The following SNX18 variants were observed in gnomAD, a reference collection of about 807,000 sequenced individuals.
SNX18 encodes the protein sorting nexin 18.
A neutral mutation model predicts 48.7 loss-of-function variants in SNX18; 35 were observed. The observed-to-expected ratio is 0.72, with a 90% CI of 0.55 to 0.95. The LOEUF is 0.95. Among genes scored for constraint, SNX18 ranks in the 40% least tolerant of loss-of-function variants. SNX18 has a pLI of 0.00. For synonymous variants in SNX18, 492 were observed against 384.7 expected (o/e 1.28, Z -3.26); for missense variants, 824 against 871.0 (o/e 0.95, Z 0.68).
intron 1 of SNX18, 177 bp downstream of exon 1, chr5:54,519,750 A>G (rs943913214): frequency 1.2e-6 from 2 of 1,614,178 alleles, no homozygotes; most frequent in African/African-American, 1.3e-5. Flanking sequence ...CTCGACAGGC[A>G]GCTTCCTCCT....
chr5:54,540,373 G>T (rs1762444724), intron 1 of SNX18, among the ~76,000 whole-genome samples: 1 of 151,992 alleles, frequency 6.6e-6, no homozygotes, highest in South Asian at 2.1e-4. Flanking sequence ...GCACTGCCAT[G>T]ACTGGCTAAT....
intron 1 of SNX18, among the ~76,000 whole-genome samples, chr5:54,530,997 C>T (rs1306131830): frequency 6.6e-6 from 1 of 151,984 alleles, no homozygotes; most frequent in Non-Finnish European, 1.5e-5. Flanking sequence ...AGGTGATCTA[C>T]CCGTCTCGGC....
At chr5:54,637,706 T>C in the SNX18 span, among the ~76,000 whole-genome samples, 2 of 152,222 alleles carry the variant, frequency 1.3e-5, no homozygotes, top group Non-Finnish European at 2.9e-5. Flanking sequence ...TTAAAACAGT[T>C]GTGTCAAAAT....
chr5:54,602,532 G>A, the SNX18 span, among the ~76,000 whole-genome samples: 1 of 152,164 alleles, frequency 6.6e-6, no homozygotes, highest in African/African-American at 2.4e-5. Flanking sequence ...CCATAGGAGT[G>A]TGCAGCAACT....
the SNX18 span, among the ~76,000 whole-genome samples, chr5:54,603,578 G>T: frequency 6.6e-6 from 1 of 152,080 alleles, no homozygotes; most frequent in Non-Finnish European, 1.5e-5. Flanking sequence ...TTTTTCAGCT[G>T]TTTTTGCTTC....
At chr5:54,596,482 C>T in the SNX18 span, among the ~76,000 whole-genome samples, 1 of 152,186 alleles carries the variant, frequency 6.6e-6, no homozygotes, top group Non-Finnish European at 1.5e-5. Context: ...TGCATGCCCA[C>T]TTTGGGACAA....
chr5:54,616,295 G>A, the SNX18 span, among the ~76,000 whole-genome samples: 37 of 152,258 alleles, frequency 2.4e-4, 1 homozygote, highest in African/African-American at 8.4e-4. Context: ...TATCTGGCTC[G>A]GGTCAGTTTT....
At chr5:54,625,734 C>CA in the SNX18 span, among the ~76,000 whole-genome samples, 3 of 152,170 alleles carry the variant, frequency 2.0e-5, no homozygotes, top group Admixed American at 6.6e-5. Flanking sequence ...TAGGGGAAAT[C>CA]ATCTGGAATA....
the SNX18 span, among the ~76,000 whole-genome samples, chr5:54,552,965 A>G: frequency 1.3e-5 from 2 of 151,998 alleles, no homozygotes; most frequent in African/African-American, 4.8e-5. Context: ...AAGTATGTGG[A>G]AGACCTTGGG....
the SNX18 span, among the ~76,000 whole-genome samples, chr5:54,569,698 TG>T: frequency 6.6e-6 from 1 of 152,172 alleles, no homozygotes; most frequent in Non-Finnish European, 1.5e-5. Flanking sequence ...TACAACATGG[TG>T]GCCTCAGGAC....
At chr5:54,562,636 A>G in the SNX18 span, among the ~76,000 whole-genome samples, 1 of 152,198 alleles carries the variant, frequency 6.6e-6, no homozygotes, top group East Asian at 1.9e-4. Flanking sequence ...GTGTGAAGGG[A>G]TAACACAACT....
At chr5:54,566,785 G>A in the SNX18 span, among the ~76,000 whole-genome samples, 1 of 152,182 alleles carries the variant, frequency 6.6e-6, no homozygotes, top group African/African-American at 2.4e-5. Flanking sequence ...ATTACCCCAG[G>A]TCCCCCAGCT....
chr5:54,630,558 G>T, the SNX18 span, among the ~76,000 whole-genome samples: 1 of 152,110 alleles, frequency 6.6e-6, no homozygotes, highest in Non-Finnish European at 1.5e-5. Context: ...TGGAAGCCAG[G>T]TGTCATGGCT....
intron 1 of SNX18, among the ~76,000 whole-genome samples, chr5:54,527,111 A>C (rs1441586354): frequency 1.3e-5 from 2 of 152,198 alleles, no homozygotes. Context: ...AAGGCTTTGC[A>C]GGTCACTGTT....
the SNX18 span, among the ~76,000 whole-genome samples, chr5:54,638,139 G>C: frequency 2.0e-5 from 3 of 152,292 alleles, no homozygotes; most frequent in African/African-American, 7.2e-5. Flanking sequence ...TCTACATGAA[G>C]CTTTCTTTAA....
At chr5:54,534,403 C>T (rs1280617869) in intron 1 of SNX18, among the ~76,000 whole-genome samples, 2 of 151,908 alleles carry the variant, frequency 1.3e-5, no homozygotes, top group East Asian at 3.9e-4. Context: ...TGGGGTTGGA[C>T]TGGGAGCTCT....
chr5:54,646,769 T>A, the SNX18 span, among the ~76,000 whole-genome samples: 3 of 152,234 alleles, frequency 2.0e-5, no homozygotes, highest in Non-Finnish European at 4.4e-5. Context: ...CTAGGCTTTC[T>A]ACCATAGTTC....
intron 1 of SNX18, among the ~76,000 whole-genome samples, chr5:54,535,142 A>C (rs568363471): frequency 2.6e-5 from 4 of 152,248 alleles, no homozygotes; most frequent in African/African-American, 9.6e-5. Context: ...ATTCCTCTAA[A>C]ATTGAGAATA....
At chr5:54,550,607 G>A (rs902623315), downstream of SNX18, among the ~76,000 whole-genome samples, 3 of 152,112 alleles carry the variant, frequency 2.0e-5, no homozygotes, top group Admixed American at 6.6e-5. Context: ...ATTTTTAGAT[G>A]GAGTCTTGGT....
Sources: allele counts gnomAD v4.1 joint callset (sites outside exome capture counted in the v4.1 genomes callset), GRCh38; gene constraint gnomAD v4.1.1; transcripts MANE v1.5; gene names NCBI Gene and HGNC (gene_info 2026-07-23, HGNC 2026-07-21).